Variants in SAMMSON observed in about 807,000 individuals in gnomAD.
SAMMSON encodes the protein survival associated mitochondrial melanoma specific oncogenic non-coding RNA.
In SAMMSON at chr3:70,207,686, T is replaced by C. The variant is rs759461383; in HGVS notation, n.508-41421T>C. On this transcript the variant is annotated intron_variant and non_coding_transcript_variant, in intron 4 of 9. Transcript: ENST00000642114. ...ATGATACAAATAAAAAACAATACAG[T>C]ATAACAACCACTTACATAGCATTTA... 3.5e-4 allele frequency among the ~76,000 whole-genome samples: 53 copies of C among 152,078 alleles called. 1 individual carries two copies. The highest frequency in any genetic ancestry group is 6.6e-4 in the Non-Finnish European group (45 of 67,954).
chr3:70,291,831 A>C (rs897931159), intron 7 of SAMMSON: 4 of 152,196 alleles, frequency 2.6e-5, no homozygotes, highest in Non-Finnish European at 4.4e-5. Context: ...TTCTTTCAAG[A>C]TGTGCTGTCT....
chr3:70,132,749 C>T (rs904971642), intron 4 of SAMMSON, among the ~76,000 whole-genome samples: 15 of 148,682 alleles, frequency 1.0e-4, no homozygotes, highest in Admixed American at 5.4e-4. Flanking sequence ...CGAGATCAGC[C>T]TGGGCAACAC....
Position 70,125,874 on chromosome 3 carries a change from G to T in SAMMSON, n.507+54309G>T, listed in dbSNP as rs190091519. The T allele has an allele frequency of 1.0e-5, 7 of 684,172 alleles. No individual in the cohort carries two copies. The East Asian group carries it at 1.9e-4, about 18-fold the overall frequency. The allele number at this position is 684,172 out of a possible 1,614,324, so 42.4% of individuals were successfully genotyped here. On this transcript the variant is annotated intron_variant and non_coding_transcript_variant, in intron 4 of 9. Transcript: ENST00000642114. ...TTTTCTGTTGGTCCTCATCATCACT[G>T]CTGTCATCTTCTAATTCTTCACTAG...
At chr3:70,135,657 C>T (rs550727104) in intron 4 of SAMMSON, among the ~76,000 whole-genome samples, 2 of 152,304 alleles carry the variant, frequency 1.3e-5, no homozygotes, top group South Asian at 4.1e-4. Context: ...GAGACACCCA[C>T]GGTTAATATC....
At chr3:70,136,397 G>C (rs6802918) in intron 4 of SAMMSON, among the ~76,000 whole-genome samples, 1 of 152,234 alleles carries the variant, frequency 6.6e-6, no homozygotes, top group African/African-American at 2.4e-5. Context: ...CTATGGAGGG[G>C]TTCATGTGTC....
chr3:70,267,190 T>C (rs1006710567), intron 6 of SAMMSON, among the ~76,000 whole-genome samples: 4 of 152,122 alleles, frequency 2.6e-5, no homozygotes, highest in Non-Finnish European at 5.9e-5. Flanking sequence ...TTATACTTAA[T>C]TCCCCCTTAT....
At chr3:70,179,800 A>C (rs1479402631) in intron 4 of SAMMSON, among the ~76,000 whole-genome samples, 1 of 151,932 alleles carries the variant, frequency 6.6e-6, no homozygotes, top group African/African-American at 2.4e-5. Flanking sequence ...CTTCTGCTTG[A>C]ATTCTTGGAT....
At chr3:70,021,794 A>G (rs1337410559) in intron 3 of SAMMSON, among the ~76,000 whole-genome samples, 2 of 152,184 alleles carry the variant, frequency 1.3e-5, no homozygotes, top group African/African-American at 4.8e-5. Flanking sequence ...ATTTGTACAA[A>G]TCTGTTTTTT....
rs144297309 is a variant in SAMMSON at position 70,304,402 on chromosome 3, C to G, written n.739+13159C>G. Among the ~76,000 whole-genome samples, 3 of 152,278 alleles carry G rather than the reference C, an allele frequency of 2.0e-5. No individual in the cohort carries two copies. In the East Asian group the frequency reaches 5.8e-4, roughly 29 times the overall value. On this transcript the variant is annotated intron_variant and non_coding_transcript_variant, in intron 7 of 9. Transcript: ENST00000642114. ...AACTCATCTCATATATTCTATTGCCCAGTTGACAGTTTCCATGGGGATACC... is the reference window on the plus strand; with the variant it reads ...AACTCATCTCATATATTCTATTGCCGAGTTGACAGTTTCCATGGGGATACC...
At chr3:70,085,594 T>C (rs184439327) in intron 4 of SAMMSON, among the ~76,000 whole-genome samples, 33 of 152,324 alleles carry the variant, frequency 2.2e-4, no homozygotes, top group African/African-American at 5.8e-4. Flanking sequence ...TCTTGATATA[T>C]TGAAGGAAGT....
At chr3:70,100,515 TGGGGGGGGGG>T (rs71620115) in intron 4 of SAMMSON, among the ~76,000 whole-genome samples, 16 of 146,796 alleles carry the variant, frequency 1.1e-4, no homozygotes, top group African/African-American at 3.4e-4. Context: ...CTTGAAAGAG[TGGGGGGGGGG>T]GGGGGGGGAA....
At chr3:70,087,125 T>C (rs2067288378) in intron 4 of SAMMSON, among the ~76,000 whole-genome samples, 1 of 152,154 alleles carries the variant, frequency 6.6e-6, no homozygotes, top group African/African-American at 2.4e-5. Flanking sequence ...ATTCACTATA[T>C]TGAAGTTCTC....
At chr3:70,201,647 C>A (rs1701240476) in intron 4 of SAMMSON, among the ~76,000 whole-genome samples, 1 of 152,140 alleles carries the variant, frequency 6.6e-6, no homozygotes, top group African/African-American at 2.4e-5. Context: ...GTAATTTGAA[C>A]CAGACTGACT....
intron 4 of SAMMSON, among the ~76,000 whole-genome samples, chr3:70,161,737 G>A (rs775184798): frequency 3.3e-5 from 5 of 151,838 alleles, no homozygotes; most frequent in African/African-American, 1.2e-4. Flanking sequence ...AATTTGTAGA[G>A]TATTGATATT....
intron 4 of SAMMSON, among the ~76,000 whole-genome samples, chr3:70,078,625 G>A (rs193183238): frequency 7.9e-5 from 12 of 152,168 alleles, no homozygotes; most frequent in Non-Finnish European, 1.2e-4. Flanking sequence ...TCTTATTTCT[G>A]TGTGTTAAAT....
intron 4 of SAMMSON, among the ~76,000 whole-genome samples, chr3:70,100,789 T>C (rs1314674254): frequency 2.0e-5 from 3 of 152,176 alleles, no homozygotes; most frequent in African/African-American, 7.2e-5. Context: ...CATACCAAAC[T>C]GTGTATTATT....
intron 4 of SAMMSON, among the ~76,000 whole-genome samples, chr3:70,133,309 C>T (rs9881087): frequency 0.24 from 36,603 of 151,956 alleles, 4,917 homozygotes; most frequent in East Asian, 0.52. Context: ...TTCATAAAAA[C>T]GCAAAAGGAC....
At chr3:70,209,579 G>C (rs188019423) in intron 4 of SAMMSON, among the ~76,000 whole-genome samples, 1 of 152,204 alleles carries the variant, frequency 6.6e-6, no homozygotes, top group African/African-American at 2.4e-5. Context: ...AGTTTATTTA[G>C]GTAAATTGTC....
At chr3:70,161,640 G>A (rs1013015496) in intron 4 of SAMMSON, among the ~76,000 whole-genome samples, 2 of 151,698 alleles carry the variant, frequency 1.3e-5, no homozygotes, top group African/African-American at 2.4e-5. Flanking sequence ...TTTTGATGAT[G>A]TATTTGTTTG....
Sources: allele counts gnomAD v4.1 joint callset (sites outside exome capture counted in the v4.1 genomes callset), GRCh38; gene constraint gnomAD v4.1.1; transcripts MANE v1.5; gene names NCBI Gene and HGNC (gene_info 2026-07-23, HGNC 2026-07-21).